POLA1: variants seen among roughly 807,000 people sequenced by gnomAD.
POLA1 encodes DNA polymerase alpha 1, catalytic subunit, also known as DNA polymerase alpha catalytic subunit.
POLA1 carries 15 observed loss-of-function variants against 124.0 expected under a neutral mutation model. The ratio of observed to expected loss-of-function variants is 0.12; its 90% CI spans 0.08 to 0.19. The LOEUF is 0.19. POLA1 is among the 10% of genes least tolerant of loss of function. The pLI is 1.00. For synonymous variants in POLA1, 408 were observed against 389.4 expected (o/e 1.05, Z -0.56); for missense variants, 886 against 1,103.4 (o/e 0.80, Z 2.79).
chrX:24,793,495 A>T (rs1446402227), intron 26 of POLA1, among the ~76,000 whole-genome samples: 1 of 111,481 alleles, frequency 9.0e-6, no homozygotes. Context: ...TTGTTCACAA[A>T]AATGTGGGCA....
chrX:24,763,843 T>G (rs1932842489), intron 26 of POLA1, among the ~76,000 whole-genome samples: 1 of 111,775 alleles, frequency 8.9e-6, no homozygotes, highest in African/African-American at 3.3e-5. Flanking sequence ...TCAGACTGAT[T>G]TGCTATAGGA....
intron 25 of POLA1, 61 bp from the exon 26 acceptor site, chrX:24,748,809 A>G (rs1932163518): frequency 4.4e-6 from 5 of 1,133,467 alleles, no homozygotes; most frequent in Non-Finnish European, 4.8e-6. Flanking sequence ...AAAGACATCT[A>G]ATGTAATGCT....
intron 32 of POLA1, among the ~76,000 whole-genome samples, chrX:24,834,111 GAAAAAAA>G (rs34596461): frequency 7.0e-5 from 5 of 71,427 alleles, no homozygotes; most frequent in African/African-American, 2.7e-4. Context: ...GTCTCAGAAA[GAAAAAAA>G]AAAAAAAAAA....
At chrX:24,727,962 A>C in intron 15 of POLA1, 26 bp downstream of exon 15, 2 of 1,164,704 alleles carry the variant, frequency 1.7e-6, no homozygotes, top group Non-Finnish European at 2.3e-6. Context: ...CAGATTTTGT[A>C]CCCATGCCTT....
chrX:24,957,632 A>G (rs1359765133), intron 36 of POLA1, among the ~76,000 whole-genome samples: 1 of 112,243 alleles, frequency 8.9e-6, no homozygotes, highest in African/African-American at 3.2e-5. Context: ...ACAACATTAA[A>G]ATAGTATCTA....
chrX:24,803,930 T>TAAAAAAAAAAAAA (rs34721601), intron 26 of POLA1, among the ~76,000 whole-genome samples: 1 of 13,841 alleles, frequency 7.2e-5, no homozygotes, highest in Non-Finnish European at 1.2e-4. Context: ...ACCCTAGACT[T>TAAAAAAAAAAAAA]AAAAAAAAAA....
intron 32 of POLA1, among the ~76,000 whole-genome samples, chrX:24,839,973 G>A (rs1239131624): frequency 8.9e-6 from 1 of 111,869 alleles, no homozygotes; most frequent in Non-Finnish European, 1.9e-5. Flanking sequence ...AAATGTGAGA[G>A]TATATGTATT....
chrX:24,783,548 A>G (rs1569308496), intron 26 of POLA1, among the ~76,000 whole-genome samples: 1 of 112,154 alleles, frequency 8.9e-6, no homozygotes, highest in Admixed American at 9.4e-5. Context: ...GACTGCCAAA[A>G]TACCTTCTTT....
At chrX:24,974,060 G>GA (rs372716899) in intron 36 of POLA1, among the ~76,000 whole-genome samples, 3,823 of 106,785 alleles carry the variant, frequency 0.036, 176 homozygotes, top group African/African-American at 0.12. Context: ...TAAATGACAG[G>GA]AAAAAAAAAA....
chrX:24,951,343 A>AT (rs2048039914), intron 36 of POLA1, among the ~76,000 whole-genome samples: 1 of 40,936 alleles, frequency 2.4e-5, no homozygotes, highest in Non-Finnish European at 4.6e-5. Flanking sequence ...ACACCTCCCT[A>AT]CCCCCCCCCC....
intron 36 of POLA1, among the ~76,000 whole-genome samples, chrX:24,940,054 T>TAAG (rs2078297791): frequency 8.9e-6 from 1 of 111,887 alleles, no homozygotes; most frequent in Non-Finnish European, 1.9e-5. Flanking sequence ...TTATATTTAC[T>TAAG]AAGATATGAG....
At chrX:24,984,854 G>A (rs1038270011) in intron 36 of POLA1, among the ~76,000 whole-genome samples, 19 of 109,805 alleles carry the variant, frequency 1.7e-4, no homozygotes, top group Non-Finnish European at 3.4e-4. Flanking sequence ...TAGAGACGGG[G>A]TTTCACTGTG....
At chrX:24,846,853 C>G (rs1487627071) in intron 34 of POLA1, among the ~76,000 whole-genome samples, 2 of 112,213 alleles carry the variant, frequency 1.8e-5, no homozygotes, top group Admixed American at 9.4e-5. Context: ...ACCCACTGTT[C>G]TAATTCATTC....
chrX:24,790,911 GTATATATATA>G (rs56343314), intron 26 of POLA1, among the ~76,000 whole-genome samples: 3 of 78,276 alleles, frequency 3.8e-5, no homozygotes, highest in South Asian at 6.3e-4. Flanking sequence ...TTATGTATAT[GTATATATATA>G]TATATATATA....
intron 35 of POLA1, among the ~76,000 whole-genome samples, chrX:24,902,550 T>G (rs765693983): frequency 2.1e-4 from 23 of 111,908 alleles, no homozygotes; most frequent in Middle Eastern, 9.2e-3. Context: ...GGTTATAGAT[T>G]AAAGGAAAAT....
intron 35 of POLA1, among the ~76,000 whole-genome samples, chrX:24,902,989 A>G (rs1244751786): frequency 8.9e-6 from 1 of 112,440 alleles, no homozygotes; most frequent in Non-Finnish European, 1.9e-5. Flanking sequence ...GACGTAGAGA[A>G]TGGAAGGTTA....
intron 19 of POLA1, among the ~76,000 whole-genome samples, chrX:24,738,692 T>C (rs1209975565): frequency 2.7e-5 from 3 of 111,857 alleles, no homozygotes; most frequent in African/African-American, 9.8e-5. Context: ...GCTTGCTTCA[T>C]GTATGGAGGT....
intron 35 of POLA1, among the ~76,000 whole-genome samples, chrX:24,912,513 C>T (rs1262372069): frequency 2.7e-5 from 3 of 111,495 alleles, no homozygotes; most frequent in Non-Finnish European, 5.7e-5. Flanking sequence ...CAAAACTCAA[C>T]AGTAAAACAA....
At chrX:24,988,671 C>G (rs1271117531) in intron 36 of POLA1, among the ~76,000 whole-genome samples, 1 of 111,913 alleles carries the variant, frequency 8.9e-6, no homozygotes, top group East Asian at 2.8e-4. Flanking sequence ...AGATGTTTAT[C>G]AAGATTAGAA....
Sources: allele counts gnomAD v4.1 joint callset (sites outside exome capture counted in the v4.1 genomes callset), GRCh38; gene constraint gnomAD v4.1.1; transcripts MANE v1.5; gene names NCBI Gene and HGNC (gene_info 2026-07-23, HGNC 2026-07-21).